Variants in CDC73 observed in about 807,000 individuals in gnomAD.
The protein encoded by CDC73 is parafibromin.
Under a neutral mutation model 83.7 loss-of-function variants are expected in CDC73, and 21 were observed. The observed-to-expected ratio is 0.25, with a 90% confidence interval of 0.18 to 0.36. The LOEUF (loss-of-function observed/expected upper bound fraction) is 0.36, where lower values mean the gene tolerates loss of function less well. Ranked by LOEUF, CDC73 falls within the 10% of genes least tolerant of loss-of-function variation. The pLI is 1.00. For synonymous variants in CDC73, 224 were observed against 212.9 expected (o/e 1.05, Z -0.45); for missense variants, 342 against 653.3 (o/e 0.52, Z 5.19).
At chr1:193,135,950 C>T (rs1328640067) in intron 5 of CDC73, among the ~76,000 whole-genome samples, 2 of 149,794 alleles carry the variant, frequency 1.3e-5, no homozygotes, top group Admixed American at 1.3e-4. Flanking sequence ...CTTATTGTAG[C>T]CTCGACCTCC....
At chr1:193,153,050 G>A (rs1178874231) in intron 10 of CDC73, among the ~76,000 whole-genome samples, 1 of 152,074 alleles carries the variant, frequency 6.6e-6, no homozygotes, top group Non-Finnish European at 1.5e-5. Flanking sequence ...TTACAAGTGT[G>A]AGCCACCGTG....
intron 13 of CDC73, among the ~76,000 whole-genome samples, chr1:193,220,810 T>C (rs776280024): frequency 4.6e-5 from 7 of 152,216 alleles, no homozygotes; most frequent in Non-Finnish European, 7.3e-5. Flanking sequence ...TCAAGTAATT[T>C]ACAATTGTGT....
In CDC73 at chr1:193,235,241, CCTTCTCTT is replaced by C. The variant is rs1032049239; in HGVS notation, c.1317-1002_1317-995del. On this transcript the variant is annotated intron_variant, in intron 14 of 16. Coordinates refer to ENST00000367435, the MANE Select transcript of CDC73 (RefSeq NM_024529.5). The stretch of plus-strand genomic sequence containing the variant: ...CCCTAGCATAGTAATTTATTCTCCT[CCTTCTCTT>C]CTTCTCTTCTTCCTTTTCTCTGTAC... Among the ~76,000 whole-genome samples, 36 of 152,228 alleles carry C rather than the reference CCTTCTCTT, an allele frequency of 2.4e-4. 1 individual carries two copies. Among genetic ancestry groups the C allele is most frequent in the African/African-American group, 7.9e-4 (33 of 41,554 alleles).
At chr1:193,188,349 C>G (rs1017034629) in intron 10 of CDC73, among the ~76,000 whole-genome samples, 2 of 151,948 alleles carry the variant, frequency 1.3e-5, no homozygotes, top group African/African-American at 4.8e-5. Context: ...TTCTTATCCT[C>G]TGTGTTTTTG....
chr1:193,201,094 G>T (rs1677083473), intron 10 of CDC73, among the ~76,000 whole-genome samples: 1 of 152,026 alleles, frequency 6.6e-6, no homozygotes, highest in South Asian at 2.1e-4. Flanking sequence ...TATTGGCGGG[G>T]GTGGGTGTGT....
At chr1:193,216,694 C>T (rs1030308900) in intron 13 of CDC73, among the ~76,000 whole-genome samples, 2 of 151,662 alleles carry the variant, frequency 1.3e-5, no homozygotes, top group East Asian at 3.9e-4. Context: ...ATGCAAAAAT[C>T]AACAAAGTAT....
Position 193,251,935 on chromosome 1 carries a change from A to AT in CDC73, c.*1230dup, listed in dbSNP as rs1285538569. 2 of 229,436 alleles carry AT rather than the reference A, an allele frequency of 8.7e-6. No individual in the cohort carries two copies. The highest frequency in any genetic ancestry group is 1.1e-4 in the Admixed American group (2 of 17,490). The allele number at this position is 229,436 out of a possible 1,614,324, so 14.2% of individuals were successfully genotyped here. On this transcript the variant is annotated 3_prime_UTR_variant, in exon 17 of 17. Coordinates refer to ENST00000367435, the MANE Select transcript of CDC73 (RefSeq NM_024529.5). The stretch of plus-strand genomic sequence containing the variant: ...TTTTTGCTGATCACAGTCTTATGTC[A>AT]TTTTTTTCTCTGTTTTTATTCCCAG...
intron 13 of CDC73, among the ~76,000 whole-genome samples, chr1:193,220,309 G>A (rs1199937871): frequency 4.0e-5 from 6 of 151,764 alleles, no homozygotes; most frequent in African/African-American, 9.7e-5. Context: ...GATTACAGGC[G>A]TGCGGCACAA....
intron 6 of CDC73, among the ~76,000 whole-genome samples, chr1:193,140,599 T>C (rs1558284562): frequency 1.3e-5 from 2 of 152,180 alleles, no homozygotes; most frequent in South Asian, 2.1e-4. Context: ...ACATAAGTAC[T>C]TTAATGCTGC....
intron 10 of CDC73, among the ~76,000 whole-genome samples, chr1:193,158,664 A>G (rs190403788): frequency 2.0e-4 from 31 of 152,254 alleles, no homozygotes; most frequent in African/African-American, 7.2e-4. Flanking sequence ...ATATTATATT[A>G]CACTTTAAAC....
chr1:193,162,990 A>G (rs1306368490), intron 10 of CDC73, among the ~76,000 whole-genome samples: 6 of 152,164 alleles, frequency 3.9e-5, no homozygotes. Flanking sequence ...CACCCCATTC[A>G]GCTTCTGATA....
chr1:193,183,796 T>A (rs746741493), intron 10 of CDC73, among the ~76,000 whole-genome samples: 1 of 151,916 alleles, frequency 6.6e-6, no homozygotes. Flanking sequence ...AAAGATAAGT[T>A]ATCTGTTTTC....
intron 10 of CDC73, among the ~76,000 whole-genome samples, chr1:193,182,658 A>T (rs896726015): frequency 2.6e-5 from 4 of 152,180 alleles, no homozygotes; most frequent in African/African-American, 9.6e-5. Flanking sequence ...ATGAGATGGC[A>T]ATATGTGAGG....
At position 193,252,655 on chromosome 1, in the gene CDC73, A is replaced by G. The variant is rs1048614318; in HGVS notation, c.*1943A>G. ...TCTATCTTAAAATCAGACCCTTAGT[A>G]TAAGCACCTCTTTTTCTTTTCCTCT... is the stretch of plus-strand genomic sequence containing the variant. On this transcript the variant is annotated 3_prime_UTR_variant, in exon 17 of 17. Coordinates refer to ENST00000367435, the MANE Select transcript of CDC73 (RefSeq NM_024529.5). The G allele has an allele frequency of 8.6e-6, 2 of 231,462 alleles. No homozygotes were observed. Among genetic ancestry groups the G allele is most frequent in the Non-Finnish European group, 1.7e-5 (2 of 116,938 alleles). 14.3% of individuals were successfully genotyped at this position (231,462 alleles called of 1,614,324 possible).
chr1:193,205,203 C>CA lies in CDC73; in HGVS notation c.1030+1351_1030+1352insA, dbSNP rs1183996671. Among the ~76,000 whole-genome samples the CA allele has an allele frequency of 6.6e-5, 8 of 120,492 alleles. 2 individuals carry two copies. The highest frequency in any genetic ancestry group is 2.9e-4 in the African/African-American group (8 of 27,632). The allele number at this position is 120,492 out of a possible 152,430, so 79.0% of individuals were successfully genotyped here. ...CTAGGCTATACCACCTGTCCCCCCC[C>CA]CCCCCTTTTTTTTTAAACTCATCAG... is the stretch of plus-strand genomic sequence containing the variant. On this transcript the variant is annotated intron_variant, in intron 11 of 16. Transcript: ENST00000367435.
At position 193,162,333 on chromosome 1, in the gene CDC73, CTATA is replaced by C. The variant is rs1210903067; in HGVS notation, c.972+9893_972+9896del. ...TATTATATATCATATATACTATATA[CTATA>C]TATTATATATACATATATATTATAT... On this transcript the variant is annotated intron_variant, in intron 10 of 16. Transcript: ENST00000367435. Among the ~76,000 whole-genome samples, 41 of 126,698 alleles carry C rather than the reference CTATA, an allele frequency of 3.2e-4. 1 individual carries two copies. Among genetic ancestry groups the C allele is most frequent in the Non-Finnish European group, 3.4e-4 (21 of 62,314 alleles). The allele number at this position is 126,698 out of a possible 152,430, so 83.1% of individuals were successfully genotyped here.
At chr1:193,170,121 A>G (rs988466256) in intron 10 of CDC73, among the ~76,000 whole-genome samples, 2 of 152,124 alleles carry the variant, frequency 1.3e-5, no homozygotes, top group Admixed American at 6.5e-5. Context: ...TGCAAAGGAT[A>G]TGATCTCATT....
At chr1:193,131,549 A>G (rs560319124) in intron 3 of CDC73, among the ~76,000 whole-genome samples, 1 of 152,226 alleles carries the variant, frequency 6.6e-6, no homozygotes, top group South Asian at 2.1e-4. Flanking sequence ...GTGGCTTCCC[A>G]TCACTCTTAG....
At chr1:193,212,329 TAGAG>T in intron 12 of CDC73, 57 bp from the exon 13 acceptor site, 1 of 1,065,160 alleles carries the variant, frequency 9.4e-7, no homozygotes, top group Non-Finnish European at 1.4e-6. Flanking sequence ...TAACTTTTAG[TAGAG>T]AAAGTAAGTA....
Sources: gnomAD v4.1 joint callset for allele counts (sites outside exome capture counted in the v4.1 genomes callset) on GRCh38, gnomAD v4.1.1 for gene constraint, MANE v1.5 for transcripts, NCBI Gene and HGNC (gene_info 2026-07-23, HGNC 2026-07-21) for gene names.